Variants in RASEF observed in about 807,000 individuals in gnomAD.
The protein encoded by RASEF is ras and EF-hand domain-containing protein.
RASEF carries 68 observed loss-of-function variants against 90.1 expected under a neutral mutation model. That is an observed-to-expected ratio of 0.75 (90% CI 0.62 to 0.92). The LOEUF (loss-of-function observed/expected upper bound fraction) is 0.92. Ranked by LOEUF, RASEF falls within the 40% of genes least tolerant of loss-of-function variation. RASEF has a pLI of 0.00. For synonymous variants in RASEF, 331 were observed against 345.2 expected (o/e 0.96, Z 0.46); for missense variants, 949 against 937.2 (o/e 1.01, Z -0.16).
chr9:83,015,010 C>T (rs1829318312), intron 4 of RASEF, among the ~76,000 whole-genome samples: 1 of 152,180 alleles, frequency 6.6e-6, no homozygotes, highest in Admixed American at 6.5e-5. Flanking sequence ...CTAATCACAT[C>T]TTTGCTCACA....
At chr9:83,148,176 G>A in the RASEF span, among the ~76,000 whole-genome samples, 1 of 152,208 alleles carries the variant, frequency 6.6e-6, no homozygotes, top group Admixed American at 6.5e-5. Flanking sequence ...ATCTGTATCA[G>A]TGTTACTTTC....
At chr9:83,096,777 C>T in the RASEF span, among the ~76,000 whole-genome samples, 4 of 151,916 alleles carry the variant, frequency 2.6e-5, no homozygotes, top group Non-Finnish European at 5.9e-5. Flanking sequence ...GCTATCCCTC[C>T]CCCCTCCACC....
At position 83,062,581 on chromosome 9, in the gene RASEF, C is replaced by T; in HGVS notation, c.287G>A (p.Gly96Glu). Residue 96 changes from glycine to glutamate, a missense_variant, in exon 1 of 17, where the codon GGG (glycine) becomes GAG (glutamate). Transcript: ENST00000376447. ...LDPAPAVSEA[G>E]PETHDSEEDE... The stretch of plus-strand genomic sequence containing the variant: ...CTCCTCGCTGTCGTGTGTCTCCGGC[C>T]CCGCCTCAGACACGGCGGGCGCGGG... 6.3e-7 allele frequency: 1 copy of T among 1,591,082 alleles called. No homozygotes were observed. Among genetic ancestry groups the T allele is most frequent in the Non-Finnish European group, 8.5e-7 (1 of 1,170,468 alleles).
At chr9:83,049,425 C>G in intron 1 of RASEF, 1 of 723,084 alleles carries the variant, frequency 1.4e-6, no homozygotes, top group Non-Finnish European at 1.7e-6. Flanking sequence ...CCCATTCTCC[C>G]ATCACTTTTC....
At chr9:82,997,577 CA>C (rs950679395) in intron 13 of RASEF, among the ~76,000 whole-genome samples, 2 of 152,172 alleles carry the variant, frequency 1.3e-5, no homozygotes, top group African/African-American at 4.8e-5. Flanking sequence ...AACGCTGTAA[CA>C]TACCAGGACT....
chr9:83,175,455 C>A, the RASEF span, among the ~76,000 whole-genome samples: 2 of 152,024 alleles, frequency 1.3e-5, no homozygotes, highest in African/African-American at 2.4e-5. Flanking sequence ...CTGTGATAAA[C>A]CCTAGTAGTA....
At chr9:83,197,681 T>C in the RASEF span, among the ~76,000 whole-genome samples, 3 of 152,226 alleles carry the variant, frequency 2.0e-5, no homozygotes, top group Non-Finnish European at 4.4e-5. Flanking sequence ...TGGAGAATCA[T>C]GGCTCTCAGC....
At chr9:82,987,803 T>G (rs1828735187) in intron 16 of RASEF, among the ~76,000 whole-genome samples, 1 of 152,128 alleles carries the variant, frequency 6.6e-6, no homozygotes, top group African/African-American at 2.4e-5. Flanking sequence ...CCTCCCTCAT[T>G]TTACAGATTA....
the RASEF span, among the ~76,000 whole-genome samples, chr9:83,138,923 C>T: frequency 1.3e-5 from 2 of 152,040 alleles, no homozygotes; most frequent in Non-Finnish European, 2.9e-5. Context: ...AAAACAGCCA[C>T]GAGTATTTGA....
the RASEF span, among the ~76,000 whole-genome samples, chr9:83,175,457 C>T: frequency 6.6e-6 from 1 of 151,986 alleles, no homozygotes; most frequent in South Asian, 2.1e-4. Context: ...GTGATAAACC[C>T]TAGTAGTAGT....
intron 4 of RASEF, among the ~76,000 whole-genome samples, chr9:83,014,972 A>T (rs1324697668): frequency 1.3e-5 from 2 of 152,190 alleles, no homozygotes; most frequent in African/African-American, 4.8e-5. Flanking sequence ...GCCAAAAACC[A>T]ACCACATTAA....
At chr9:83,067,889 A>AT (rs923205362), upstream of RASEF, among the ~76,000 whole-genome samples, 6 of 152,126 alleles carry the variant, frequency 3.9e-5, no homozygotes, top group South Asian at 8.3e-4. Flanking sequence ...TTATGTATTT[A>AT]TTTTTTGTGA....
chr9:83,148,170 G>A, the RASEF span, among the ~76,000 whole-genome samples: 1 of 152,000 alleles, frequency 6.6e-6, no homozygotes, highest in Non-Finnish European at 1.5e-5. Context: ...CCTCCTATCT[G>A]TATCAGTGTT....
intron 1 of RASEF, among the ~76,000 whole-genome samples, chr9:83,059,128 T>C (rs1212349656): frequency 6.6e-6 from 1 of 151,114 alleles, no homozygotes; most frequent in Non-Finnish European, 1.5e-5. Flanking sequence ...CTAAGTTAAT[T>C]TATCAGCATG....
the RASEF span, among the ~76,000 whole-genome samples, chr9:83,179,263 A>G: frequency 3.9e-5 from 6 of 152,190 alleles, no homozygotes; most frequent in South Asian, 1.2e-3. Flanking sequence ...GCATCACAGC[A>G]TTAGTACACC....
intron 1 of RASEF, among the ~76,000 whole-genome samples, chr9:83,043,599 T>C (rs922545572): frequency 2.0e-5 from 3 of 152,210 alleles, no homozygotes; most frequent in African/African-American, 7.2e-5. Flanking sequence ...AATGACTGTA[T>C]CCTCAAGGTA....
At chr9:83,040,589 C>T (rs1390737295) in intron 1 of RASEF, among the ~76,000 whole-genome samples, 2 of 152,140 alleles carry the variant, frequency 1.3e-5, no homozygotes, top group African/African-American at 4.8e-5. Context: ...GAAATCAGTA[C>T]ATTCTGGAAT....
chr9:83,211,641 AC>A, the RASEF span, among the ~76,000 whole-genome samples: 404 of 152,196 alleles, frequency 2.7e-3, 2 homozygotes, highest in Middle Eastern at 6.8e-3. Flanking sequence ...TCAGCTTTTT[AC>A]CCTTTTCTCA....
At position 83,040,918 on chromosome 9, in the gene RASEF, T is replaced by C. The variant is rs11139905; in HGVS notation, c.432-14997A>G. ...TCTTGTCGCCCAGGCTGGAGTGCAA[T>C]GGCACGATCTCGGCTCACTGCAACC... On this transcript the variant is annotated intron_variant, in intron 1 of 16. Transcript: ENST00000376447. Among the ~76,000 whole-genome samples the C allele has an allele frequency of 1.9e-4, 29 of 152,330 alleles. 1 individual carries two copies. The East Asian group carries it at 4.2e-3, about 22-fold the overall frequency.
Sources: allele counts gnomAD v4.1 joint callset (sites outside exome capture counted in the v4.1 genomes callset), GRCh38; gene constraint gnomAD v4.1.1; transcripts MANE v1.5; gene names NCBI Gene and HGNC (gene_info 2026-07-23, HGNC 2026-07-21).